The following SLC39A11 variants were observed in gnomAD, a reference collection of about 807,000 sequenced individuals.
SLC39A11 encodes the protein zinc transporter ZIP11.
A neutral mutation model predicts 36.1 loss-of-function variants in SLC39A11; 33 were observed. That is an observed-to-expected ratio of 0.91 (90% confidence interval 0.69 to 1.22). SLC39A11 has a LOEUF of 1.22. Ranked by LOEUF, SLC39A11 falls within the 50% of genes most tolerant of loss-of-function variation. The pLI, the probability that SLC39A11 is intolerant of heterozygous loss-of-function variation, is 0.00. For synonymous variants in SLC39A11, 166 were observed against 170.3 expected (o/e 0.97, Z 0.20); for missense variants, 432 against 430.3 (o/e 1.00, Z -0.03).
At chr17:72,764,691 C>T (rs1227744609) in intron 6 of SLC39A11, among the ~76,000 whole-genome samples, 1 of 152,160 alleles carries the variant, frequency 6.6e-6, no homozygotes, top group Non-Finnish European at 1.5e-5. Context: ...TTATCGAAGT[C>T]CTGTGCTCCC....
intron 5 of SLC39A11, among the ~76,000 whole-genome samples, chr17:72,875,345 C>T (rs746012462): frequency 2.7e-4 from 41 of 152,206 alleles, no homozygotes; most frequent in Non-Finnish European, 5.1e-4. Context: ...TCCCCAAGAA[C>T]TGCCAATGGA....
chr17:73,024,299 G>C (rs943343921), intron 4 of SLC39A11, among the ~76,000 whole-genome samples: 2 of 152,172 alleles, frequency 1.3e-5, no homozygotes, highest in Admixed American at 6.5e-5. Flanking sequence ...GCTTGAAGTA[G>C]AATTGCCCAT....
At chr17:73,060,873 T>C (rs1032041088) in intron 3 of SLC39A11, among the ~76,000 whole-genome samples, 2 of 152,192 alleles carry the variant, frequency 1.3e-5, no homozygotes, top group African/African-American at 2.4e-5. Flanking sequence ...AATTGTGTCA[T>C]TATTGAATGA....
At chr17:72,752,446 T>C (rs2075193120) in intron 6 of SLC39A11, among the ~76,000 whole-genome samples, 1 of 152,102 alleles carries the variant, frequency 6.6e-6, no homozygotes, top group African/African-American at 2.4e-5. Flanking sequence ...GGTTTCACCA[T>C]GTTGGCCAGG....
intron 6 of SLC39A11, among the ~76,000 whole-genome samples, chr17:72,837,058 G>A (rs1002398611): frequency 6.6e-6 from 1 of 152,012 alleles, no homozygotes; most frequent in South Asian, 2.1e-4. Context: ...CCCTGGTCTC[G>A]CACTGCTGCC....
chr17:72,692,258 G>A (rs1268601522), intron 7 of SLC39A11, among the ~76,000 whole-genome samples: 2 of 152,102 alleles, frequency 1.3e-5, no homozygotes, highest in African/African-American at 4.8e-5. Flanking sequence ...CGAACCACCC[G>A]CCTCGGCCTC....
chr17:72,949,496 G>T (rs1354559423), intron 4 of SLC39A11, among the ~76,000 whole-genome samples: 1 of 151,946 alleles, frequency 6.6e-6, no homozygotes. Context: ...ACAGTTTCTG[G>T]AGGCAGGAAA....
intron 7 of SLC39A11, among the ~76,000 whole-genome samples, chr17:72,652,874 T>A (rs926836567): frequency 1.3e-5 from 2 of 152,146 alleles, no homozygotes; most frequent in Admixed American, 1.3e-4. Context: ...TCCTATATAC[T>A]GCTTGGTCTG....
chr17:72,892,339 G>A (rs1195337625), intron 5 of SLC39A11, among the ~76,000 whole-genome samples: 3 of 151,320 alleles, frequency 2.0e-5, no homozygotes, highest in Admixed American at 6.6e-5. Flanking sequence ...GAACTCAGGA[G>A]GTGGAGGATA....
intron 5 of SLC39A11, among the ~76,000 whole-genome samples, chr17:72,912,449 T>A (rs1027300123): frequency 4.6e-5 from 7 of 151,054 alleles, no homozygotes; most frequent in African/African-American, 1.7e-4. Context: ...TTTTTTTTTT[T>A]AAGTGATGGG....
At chr17:73,025,230 C>T (rs538070058) in intron 4 of SLC39A11, among the ~76,000 whole-genome samples, 12 of 152,256 alleles carry the variant, frequency 7.9e-5, no homozygotes, top group East Asian at 3.9e-4. Flanking sequence ...GCCAAGTCCA[C>T]GTGGAGGAGA....
At chr17:72,958,703 T>C (rs1364710669) in intron 4 of SLC39A11, among the ~76,000 whole-genome samples, 4 of 151,710 alleles carry the variant, frequency 2.6e-5, no homozygotes, top group Non-Finnish European at 1.5e-5. Context: ...ATACAAAAAT[T>C]AGCCAGGTGT....
At chr17:72,808,663 G>T (rs571346286) in intron 6 of SLC39A11, among the ~76,000 whole-genome samples, 1 of 152,284 alleles carries the variant, frequency 6.6e-6, no homozygotes, top group South Asian at 2.1e-4. Context: ...TGCTCCTATA[G>T]ATAACACTAT....
chr17:72,792,344 A>C (rs1193813691), intron 6 of SLC39A11, among the ~76,000 whole-genome samples: 1 of 152,198 alleles, frequency 6.6e-6, no homozygotes, highest in Non-Finnish European at 1.5e-5. Context: ...GCTGGCAGGC[A>C]GTGAGGTAGA....
chr17:73,010,356 G>A (rs77937963), intron 4 of SLC39A11, among the ~76,000 whole-genome samples: 13,163 of 144,744 alleles, frequency 0.091, 638 homozygotes, highest in Middle Eastern at 0.12. Flanking sequence ...TTTGCAATAG[G>A]AGAAGACTTG....
At chr17:72,757,935 G>C (rs1358146659) in intron 6 of SLC39A11, among the ~76,000 whole-genome samples, 1 of 152,134 alleles carries the variant, frequency 6.6e-6, no homozygotes, top group African/African-American at 2.4e-5. Flanking sequence ...TCCCAGGCTG[G>C]AGTGCAGTGG....
At chr17:72,736,265 G>A (rs1170734399) in intron 7 of SLC39A11, among the ~76,000 whole-genome samples, 1 of 152,236 alleles carries the variant, frequency 6.6e-6, no homozygotes, top group African/African-American at 2.4e-5. Context: ...GAAAGAGAGA[G>A]GGAAACGAAG....
chr17:72,693,978 A>G (rs2072164610), intron 7 of SLC39A11, among the ~76,000 whole-genome samples: 1 of 152,022 alleles, frequency 6.6e-6, no homozygotes, highest in East Asian at 1.9e-4. Flanking sequence ...TCTTTATAGA[A>G]AAAGCACCCA....
intron 5 of SLC39A11, among the ~76,000 whole-genome samples, chr17:72,901,735 C>T (rs905818301): frequency 3.4e-4 from 52 of 152,150 alleles, no homozygotes; most frequent in Admixed American, 1.5e-3. Context: ...TGAATGGGGT[C>T]CCCTCTAAGA....
Sources: allele counts gnomAD v4.1 joint callset (sites outside exome capture counted in the v4.1 genomes callset), GRCh38; gene constraint gnomAD v4.1.1; transcripts MANE v1.5; gene names NCBI Gene and HGNC (gene_info 2026-07-23, HGNC 2026-07-21).